Variants in SPATA24 observed in about 807,000 individuals in gnomAD.
The protein encoded by SPATA24 is spermatogenesis associated 24.
Under a neutral mutation model 28.9 loss-of-function variants are expected in SPATA24, and 21 were observed. The observed-to-expected ratio is 0.73, with a 90% confidence interval of 0.52 to 1.05. SPATA24 has a LOEUF of 1.05. Among genes scored for constraint, SPATA24 ranks in the 50% least tolerant of loss-of-function variants. SPATA24 has a pLI of 0.00. For missense variants in SPATA24, 215 were observed against 242.9 expected, an observed-to-expected ratio of 0.88 and a Z score of 0.76; for synonymous variants, 76 against 89.9, an observed-to-expected ratio of 0.85 and a Z score of 0.88.
At chr5:139,401,668 GAAAC>G in intron 4 of SPATA24, 83 bp downstream of exon 4, 1 of 1,411,128 alleles carries the variant, frequency 7.1e-7, no homozygotes, top group Non-Finnish European at 9.8e-7. Context: ...GTGTTAGAGT[GAAAC>G]CCTGCCTTTG....
downstream of SPATA24, chr5:139,393,621 C>G: frequency 6.4e-7 from 1 of 1,550,658 alleles, no homozygotes; most frequent in Non-Finnish European, 8.7e-7. Flanking sequence ...CCACCGCATC[C>G]GCGACTGCCG....
downstream of SPATA24, chr5:139,394,824 CGA>C (rs1758667234): frequency 6.5e-7 from 1 of 1,529,850 alleles, no homozygotes. Context: ...GCGGGAAACC[CGA>C]GCCGGGCCCG....
rs757853919 is a variant in SPATA24 at position 139,397,553 on chromosome 5, C to CTT, written c.386-412_386-411dup. Among the ~76,000 whole-genome samples, 53 of 135,560 alleles carry CTT rather than the reference C, an allele frequency of 3.9e-4. 1 individual carries two copies. Among genetic ancestry groups the CTT allele is most frequent in the African/African-American group, 1.6e-3 (50 of 30,538 alleles). The allele number at this position is 135,560 out of a possible 152,430, so 88.9% of individuals were successfully genotyped here. A position where few individuals can be genotyped will look rare whatever the true frequency, so the allele number is the denominator to read the frequency against. ...TTCCTGTTCCCTCTTCCTGCTTTCT[C>CTT]TTTTTTTTTTTTTTGTATTTGAGAC... On this transcript the variant is annotated intron_variant, in intron 4 of 5. Coordinates refer to ENST00000450845, the MANE Select transcript of SPATA24 (RefSeq NM_194296.2).
downstream of SPATA24, chr5:139,394,089 C>G: frequency 6.4e-7 from 1 of 1,550,660 alleles, no homozygotes; most frequent in Non-Finnish European, 8.7e-7. Flanking sequence ...GCGGCTCCGT[C>G]CCGGGCGCAG....
intron 5 of SPATA24, 40 bp from the exon 6 acceptor site, chr5:139,396,969 A>G (rs886225018): frequency 3.2e-6 from 5 of 1,551,420 alleles, no homozygotes; most frequent in Non-Finnish European, 4.4e-6. Flanking sequence ...TGGACAGCCA[A>G]GGGTAGGTAG....
downstream of SPATA24, chr5:139,393,695 G>A (rs1758639779): frequency 3.2e-6 from 5 of 1,551,060 alleles, no homozygotes; most frequent in East Asian, 1.2e-4. Flanking sequence ...GCAACACACT[G>A]ATTCCACTGG....
chr5:139,394,993 G>A (rs1758673072), downstream of SPATA24: 1 of 1,497,162 alleles, frequency 6.7e-7, no homozygotes, highest in African/African-American at 1.5e-5. Flanking sequence ...GGAGCCTGAC[G>A]AACCGGAGGA....
At chr5:139,394,893 C>G (rs1427652936), downstream of SPATA24, 2 of 1,511,626 alleles carry the variant, frequency 1.3e-6, no homozygotes, top group African/African-American at 1.5e-5. Flanking sequence ...CGCCCGCCCC[C>G]CGCCCAGGAG....
At chr5:139,401,210 G>C (rs1221329863) in intron 4 of SPATA24, among the ~76,000 whole-genome samples, 1 of 152,216 alleles carries the variant, frequency 6.6e-6, no homozygotes, top group Non-Finnish European at 1.5e-5. Flanking sequence ...TGTAGTCCCA[G>C]CTACTTGAGA....
chr5:139,396,866 G>A lies in SPATA24; in HGVS notation c.552C>T (p.Asp184=). 6.4e-7 allele frequency: 1 copy of A among 1,551,702 alleles called. No homozygotes were observed. The highest frequency in any genetic ancestry group is 8.7e-7 in the Non-Finnish European group (1 of 1,146,990). ...TCCCTGAGGCTTTCTTATGCTTCTG[G>A]TCCAGCACCTGGGCCATGTAGCTCT... The part of the protein sequence containing the change: ...QQESYMAQVL[D]QKHKKASGTR... The change falls in exon 6 of 6, where the codon GAC becomes GAT. Residue 184 remains aspartate, a synonymous_variant. Transcript: ENST00000450845.
At chr5:139,397,554 T>TTC (rs1758738533) in intron 4 of SPATA24, among the ~76,000 whole-genome samples, 1 of 141,878 alleles carries the variant, frequency 7.0e-6, no homozygotes, top group South Asian at 2.2e-4. Flanking sequence ...CTGCTTTCTC[T>TTC]TTTTTTTTTT....
downstream of SPATA24, chr5:139,392,501 G>T (rs540903006): frequency 1.5e-6 from 2 of 1,350,088 alleles, no homozygotes; most frequent in East Asian, 3.1e-5. The surrounding 1 kb of genome is among the most constrained non-coding windows in gnomAD (Gnocchi z 5.8). Context: ...TGCGGGGACC[G>T]GTCCGTGGGA....
chr5:139,396,521 T>C, downstream of SPATA24: 3 of 1,256,588 alleles, frequency 2.4e-6, no homozygotes, highest in Non-Finnish European at 3.0e-6. Context: ...GTAGTCAAGT[T>C]GGGAAGTTAA....
At position 139,403,929 on chromosome 5, in the gene SPATA24, C is replaced by G. The variant is rs1275728873; in HGVS notation, c.117+15G>C. The G allele has an allele frequency of 6.5e-7, 1 of 1,549,098 alleles. No individual in the cohort carries two copies. The highest frequency in any genetic ancestry group is 1.4e-5 in the African/African-American group (1 of 72,998). On this transcript the variant is annotated intron_variant, in intron 1 of 5. Transcript: ENST00000450845. ...ATCCGGCCCCGCCTCTCCCCAAACT[C>G]CTCTGGCTGCATACCACGTTCCTCA... is the stretch of plus-strand genomic sequence containing the variant.
downstream of SPATA24, chr5:139,395,020 G>C: frequency 6.9e-7 from 1 of 1,456,456 alleles, no homozygotes; most frequent in Non-Finnish European, 9.0e-7. Flanking sequence ...GCGCCGCGCG[G>C]GGGCCGTGGG....
downstream of SPATA24, chr5:139,392,751 G>A: frequency 1.4e-6 from 2 of 1,436,710 alleles, no homozygotes; most frequent in Non-Finnish European, 1.8e-6. This position sits in a 1 kb window ranked among gnomAD's most constrained non-coding sequence, Gnocchi z 5.8. Context: ...CGCCTAGAGG[G>A]CTGGTCCGAC....
Position 139,403,932 on chromosome 5 carries a change from C to G in SPATA24, c.117+12G>C. 2 of 1,549,956 alleles carry G rather than the reference C, an allele frequency of 1.3e-6. No homozygotes were observed. Among genetic ancestry groups the G allele is most frequent in the Non-Finnish European group, 1.7e-6 (2 of 1,145,374 alleles). ...CGGCCCCGCCTCTCCCCAAACTCCT[C>G]TGGCTGCATACCACGTTCCTCAGCT... On this transcript the variant is annotated intron_variant, in intron 1 of 5. Transcript: ENST00000450845.
At chr5:139,399,381 G>A (rs987628162) in intron 4 of SPATA24, among the ~76,000 whole-genome samples, 1 of 151,256 alleles carries the variant, frequency 6.6e-6, no homozygotes, top group African/African-American at 2.4e-5. Flanking sequence ...ATACAGAAAT[G>A]TCTAAGCATT....
chr5:139,399,417 T>TAAAAAAAAAAAAAAAAAAAAAAAA (rs1195557430), intron 4 of SPATA24, among the ~76,000 whole-genome samples: 2 of 151,098 alleles, frequency 1.3e-5, no homozygotes, highest in African/African-American at 4.9e-5. Context: ...GAAGACCTGG[T>TAAAAAAAAAAAAAAAAAAAAAAAA]AAAAAGTGAA....
Sources: allele counts gnomAD v4.1 joint callset (sites outside exome capture counted in the v4.1 genomes callset), GRCh38; gene constraint gnomAD v4.1.1; non-coding constraint Gnocchi (gnomAD v3.1); transcripts MANE v1.5; gene names NCBI Gene and HGNC (gene_info 2026-07-23, HGNC 2026-07-21).